The following EFCAB3 variants were observed in gnomAD, a reference collection of about 807,000 sequenced individuals.
The protein encoded by EFCAB3 is EF-hand calcium binding domain 3.
Under a neutral mutation model 42.2 loss-of-function variants are expected in EFCAB3, and 36 were observed. That is an observed-to-expected ratio of 0.85 (90% CI 0.65 to 1.13). The LOEUF (loss-of-function observed/expected upper bound fraction) is 1.13, where lower values mean the gene tolerates loss of function less well. Ranked by LOEUF, EFCAB3 falls within the 50% of genes most tolerant of loss-of-function variation. The pLI, the probability that EFCAB3 is intolerant of heterozygous loss-of-function variation, is 0.00. For missense variants in EFCAB3, 418 were observed against 505.1 expected (o/e 0.83, Z 1.65); for synonymous variants, 170 against 172.8 (o/e 0.98, Z 0.13).
At chr17:62,387,513 A>G in intron 3 of EFCAB3, 97 bp downstream of exon 3, 1 of 1,010,398 alleles carries the variant, frequency 9.9e-7, no homozygotes, top group Non-Finnish European at 1.4e-6. Flanking sequence ...AGGGTTGTCT[A>G]CACCACCATC....
At chr17:62,410,531 A>G (rs1036572886) in intron 8 of EFCAB3, among the ~76,000 whole-genome samples, 4 of 152,100 alleles carry the variant, frequency 2.6e-5, no homozygotes, top group African/African-American at 9.7e-5. Flanking sequence ...AGGAAGGTGG[A>G]TTGCTTGAGC....
At chr17:62,388,558 A>G (rs1311317766) in intron 3 of EFCAB3, among the ~76,000 whole-genome samples, 2 of 152,334 alleles carry the variant, frequency 1.3e-5, no homozygotes, top group East Asian at 3.9e-4. Flanking sequence ...TTTAGAACCA[A>G]TTTAGAAATT....
At chr17:62,370,362 G>A (rs1469271296) in intron 1 of EFCAB3, 4 of 1,548,484 alleles carry the variant, frequency 2.6e-6, no homozygotes, top group Non-Finnish European at 3.5e-6. Flanking sequence ...CTTCTTAGAA[G>A]TGTATTTTTG....
chr17:62,404,059 T>C (rs2070427760), intron 6 of EFCAB3, among the ~76,000 whole-genome samples: 1 of 152,130 alleles, frequency 6.6e-6, no homozygotes, highest in Non-Finnish European at 1.5e-5. Flanking sequence ...GTTTCCCCCT[T>C]TGTGAGTCAG....
intron 6 of EFCAB3, 147 bp downstream of exon 6, chr17:62,395,335 C>G: frequency 9.6e-7 from 1 of 1,039,410 alleles, no homozygotes; most frequent in South Asian, 1.8e-5. Context: ...TGCCCTTGTG[C>G]TACAACATGA....
chr17:62,389,164 G>A (rs1378441898), intron 3 of EFCAB3, among the ~76,000 whole-genome samples: 1 of 152,226 alleles, frequency 6.6e-6, no homozygotes, highest in Non-Finnish European at 1.5e-5. Context: ...TATGGGGTTA[G>A]CTAGTTTAAA....
intron 6 of EFCAB3, among the ~76,000 whole-genome samples, chr17:62,402,548 CAT>C (rs571680861): frequency 1.6e-4 from 24 of 152,278 alleles, no homozygotes; most frequent in African/African-American, 5.5e-4. Flanking sequence ...TTGAGATCAT[CAT>C]GTGGTTTTTG....
At chr17:62,372,849 T>C (rs1376325995) in intron 1 of EFCAB3, among the ~76,000 whole-genome samples, 2 of 152,194 alleles carry the variant, frequency 1.3e-5, no homozygotes, top group African/African-American at 4.8e-5. Flanking sequence ...AGCTTTCTCC[T>C]CCACTACTTC....
intron 2 of EFCAB3, among the ~76,000 whole-genome samples, chr17:62,375,222 C>G (rs1224936140): frequency 6.6e-6 from 1 of 152,090 alleles, no homozygotes; most frequent in Admixed American, 6.6e-5. Context: ...GTACCCATGC[C>G]TAATATTTCC....
intron 8 of EFCAB3, among the ~76,000 whole-genome samples, 179 bp downstream of exon 8, chr17:62,407,391 A>T (rs2070457804): frequency 6.6e-6 from 1 of 152,230 alleles, no homozygotes; most frequent in Non-Finnish European, 1.5e-5. Context: ...TTCAACAAAT[A>T]GGTAAACTTA....
chr17:62,395,114 C>T lies in EFCAB3; in HGVS notation c.414C>T (p.Ile138=). The change falls in exon 6 of 10, where the codon ATC becomes ATT. Residue 138 remains isoleucine, a synonymous_variant. Coordinates refer to ENST00000305286, the MANE Select transcript of EFCAB3 (RefSeq NM_173503.4). The part of the protein sequence containing the change: ...TCLDLAGNPG[I]LLFEILSRLL... Reference sequence around the variant, plus strand: ...TAGATTTGGCTGGCAACCCAGGAATCCTATTGTTTGAAATCCTATCAAGGC... The same window carrying T: ...TAGATTTGGCTGGCAACCCAGGAATTCTATTGTTTGAAATCCTATCAAGGC... 6.2e-7 allele frequency: 1 copy of T among 1,614,052 alleles called. No individual in the cohort carries two copies. Among genetic ancestry groups the T allele is most frequent in the African/African-American group, 1.3e-5 (1 of 75,008 alleles).
chr17:62,406,369 A>C, intron 6 of EFCAB3, 111 bp from the exon 7 acceptor site: 1 of 846,386 alleles, frequency 1.2e-6, no homozygotes, highest in Non-Finnish European at 1.8e-6. Flanking sequence ...TGAATATGCA[A>C]ATTAGATTTA....
intron 6 of EFCAB3, among the ~76,000 whole-genome samples, chr17:62,395,977 T>TA (rs2070345156): frequency 6.6e-6 from 1 of 152,196 alleles, no homozygotes; most frequent in South Asian, 2.1e-4. Flanking sequence ...CTGTCAGATG[T>TA]AGAATAGAGG....
chr17:62,415,534 C>T (rs1317211190), intron 9 of EFCAB3, among the ~76,000 whole-genome samples: 1 of 152,108 alleles, frequency 6.6e-6, no homozygotes, highest in Non-Finnish European at 1.5e-5. Flanking sequence ...ACCCTCCTGC[C>T]ACACCTCCAG....
chr17:62,412,375 A>G (rs2144116605), intron 8 of EFCAB3, among the ~76,000 whole-genome samples: 1 of 151,936 alleles, frequency 6.6e-6, no homozygotes, highest in East Asian at 1.9e-4. Flanking sequence ...AAAAAAAAAA[A>G]AAAAAAAGAA....
chr17:62,393,726 C>A (rs561306595), intron 5 of EFCAB3, 82 bp downstream of exon 5: 5 of 1,245,494 alleles, frequency 4.0e-6, no homozygotes, highest in Non-Finnish European at 4.7e-6. Context: ...GGCTTCCAGT[C>A]GGGAGACAGG....
At chr17:62,378,037 G>T, upstream of EFCAB3, 1 of 1,543,728 alleles carries the variant, frequency 6.5e-7, no homozygotes, top group South Asian at 1.2e-5. Context: ...GAAAGCTGAT[G>T]TGAAGCCATT....
chr17:62,380,033 G>A (rs373659863), upstream of EFCAB3, among the ~76,000 whole-genome samples: 49 of 152,144 alleles, frequency 3.2e-4, no homozygotes, highest in East Asian at 1.2e-3. Context: ...CAAAAGTCTC[G>A]CTCTGTCGCC....
intron 6 of EFCAB3, among the ~76,000 whole-genome samples, chr17:62,403,018 G>A (rs570056637): frequency 6.6e-6 from 1 of 152,242 alleles, no homozygotes; most frequent in African/African-American, 2.4e-5. Context: ...TTAGTCTTGG[G>A]AGGGTATATG....
Sources: allele counts gnomAD v4.1 joint callset (sites outside exome capture counted in the v4.1 genomes callset), GRCh38; gene constraint gnomAD v4.1.1; transcripts MANE v1.5; gene names NCBI Gene and HGNC (gene_info 2026-07-23, HGNC 2026-07-21).